CD96: variants seen among roughly 807,000 people sequenced by gnomAD.
CD96 encodes the protein T-cell surface protein tactile.
CD96 carries 70 observed loss-of-function variants against 71.3 expected under a neutral mutation model. The observed-to-expected ratio is 0.98, with a 90% CI of 0.81 to 1.20. The LOEUF (loss-of-function observed/expected upper bound fraction) is 1.20, where lower values mean the gene tolerates loss of function less well. Ranked by LOEUF, CD96 falls within the 50% of genes most tolerant of loss-of-function variation. The probability of loss-of-function intolerance (pLI) is 0.00; values close to 1 mark genes in which losing one functional copy is unlikely to be tolerated. For synonymous variants in CD96, 248 were observed against 233.0 expected, an observed-to-expected ratio of 1.06 and a Z score of -0.59; for missense variants, 742 against 677.5, an observed-to-expected ratio of 1.10 and a Z score of -1.06.
chr3:111,594,522 A>G (rs1937163521), intron 5 of CD96: 1 of 276,234 alleles, frequency 3.6e-6, no homozygotes, highest in African/African-American at 2.2e-5. Flanking sequence ...CTCTGGTCCA[A>G]CAATTACAAA....
intron 2 of CD96, among the ~76,000 whole-genome samples, chr3:111,565,576 G>A (rs1935667864): frequency 6.6e-6 from 1 of 151,986 alleles, no homozygotes; most frequent in Admixed American, 6.6e-5. Flanking sequence ...AATAAAATTA[G>A]ATAGTAGTAA....
chr3:111,558,981 C>T (rs943773995), intron 2 of CD96, among the ~76,000 whole-genome samples: 10 of 152,174 alleles, frequency 6.6e-5, no homozygotes, highest in African/African-American at 1.2e-4. Context: ...CTAGATTTTC[C>T]AGTTTATTTG....
intron 8 of CD96, 33 bp from the exon 9 acceptor site, chr3:111,623,721 T>C: frequency 7.5e-7 from 1 of 1,329,438 alleles, no homozygotes; most frequent in Non-Finnish European, 1.1e-6. Context: ...TGTAAATACA[T>C]ATAATAATTT....
Position 111,600,810 on chromosome 3 carries a change from A to G in CD96, c.983A>G (p.Lys328Arg), listed in dbSNP as rs1192921320. 1 of 1,613,202 alleles carries G rather than the reference A, an allele frequency of 6.2e-7. No individual in the cohort carries two copies. Among genetic ancestry groups the G allele is most frequent in the African/African-American group, 1.3e-5 (1 of 74,924 alleles). ...GTTTTAACAAGGGTACATAGTAATA[A>G]ACCAGCCCAATCAGACAACTTGACC... ...KSVLTRVHSN[K>R]PAQSDNLTIW... Residue 328 changes from lysine (K) to arginine (R), a missense_variant, in exon 7 of 14, where the codon AAA becomes AGA. Physicochemically the swap from Lys to Arg is conservative, Grantham distance 26 (BLOSUM62 2). Coordinates refer to ENST00000352690, the MANE Select transcript of CD96 (RefSeq NM_005816.5).
intron 14 of CD96, among the ~76,000 whole-genome samples, chr3:111,665,248 T>C (rs1458586143): frequency 6.6e-6 from 1 of 152,050 alleles, no homozygotes; most frequent in Non-Finnish European, 1.5e-5. Context: ...TTTTTGAAGT[T>C]TGAAATTATT....
At chr3:111,631,804 A>G (rs1939076481) in intron 10 of CD96, among the ~76,000 whole-genome samples, 1 of 152,334 alleles carries the variant, frequency 6.6e-6, no homozygotes, top group East Asian at 1.9e-4. Flanking sequence ...AACAGAATAG[A>G]GAACCCAGAA....
intron 10 of CD96, among the ~76,000 whole-genome samples, chr3:111,626,993 CAG>C (rs1164817410): frequency 1.3e-5 from 2 of 152,028 alleles, no homozygotes; most frequent in African/African-American, 2.4e-5. Context: ...AGGGATGAGA[CAG>C]GGAGAAAACA....
chr3:111,593,462 C>CTTTA (rs998367842), intron 5 of CD96: 29 of 1,471,616 alleles, frequency 2.0e-5, no homozygotes, highest in Non-Finnish European at 2.4e-5. Context: ...AACTACTTTG[C>CTTTA]TTTACATTTG....
chr3:111,586,274 T>TA (rs1258642502), intron 5 of CD96, among the ~76,000 whole-genome samples: 2 of 152,208 alleles, frequency 1.3e-5, no homozygotes, highest in Non-Finnish European at 2.9e-5. Flanking sequence ...CATTTTCTAT[T>TA]ACATGGGGCG....
At chr3:111,589,888 A>G (rs1936897011) in intron 5 of CD96, among the ~76,000 whole-genome samples, 1 of 152,376 alleles carries the variant, frequency 6.6e-6, no homozygotes, top group Admixed American at 6.5e-5. Context: ...ACCCTCATCA[A>G]TTAATTAACC....
chr3:111,637,980 A>C (rs1009382302), intron 11 of CD96, 99 bp from the exon 12 acceptor site: 2 of 791,868 alleles, frequency 2.5e-6, no homozygotes, highest in African/African-American at 3.4e-5. Context: ...AGACAATTTA[A>C]ATTGAGTTCT....
chr3:111,567,845 C>A (rs113905243), intron 3 of CD96, among the ~76,000 whole-genome samples, 198 bp downstream of exon 3: 10 of 152,284 alleles, frequency 6.6e-5, no homozygotes, highest in African/African-American at 2.2e-4. Flanking sequence ...TCTATGAATG[C>A]AGTGAATTAA....
At chr3:111,571,383 T>C (rs1935978502) in intron 3 of CD96, among the ~76,000 whole-genome samples, 1 of 151,908 alleles carries the variant, frequency 6.6e-6, no homozygotes, top group Non-Finnish European at 1.5e-5. Flanking sequence ...TAATGATCAC[T>C]AAATTCATGC....
chr3:111,589,879 C>A (rs1184675846), intron 5 of CD96, among the ~76,000 whole-genome samples: 2 of 152,142 alleles, frequency 1.3e-5, no homozygotes, highest in South Asian at 2.1e-4. Context: ...TGGTTACATA[C>A]CCTCATCAAT....
intron 10 of CD96, among the ~76,000 whole-genome samples, chr3:111,626,325 A>AAG (rs1553709941): frequency 1.3e-5 from 2 of 151,438 alleles, no homozygotes; most frequent in African/African-American, 4.8e-5. Flanking sequence ...AAAAAAAAAA[A>AAG]AAAGAAATGC....
rs889417137 is a variant in CD96 at position 111,652,335 on chromosome 3, A to C, written c.*2529A>C. The C allele has an allele frequency of 6.6e-6, 1 of 152,078 alleles. No individual in the cohort carries two copies. Among genetic ancestry groups the C allele is most frequent in the Non-Finnish European group, 1.5e-5 (1 of 68,004 alleles). 9.4% of individuals were successfully genotyped at this position (152,078 alleles called of 1,614,324 possible). ...TTGCTTCATGTGTATGGCTATTTGT[A>C]TTTAACAAGACTTAATCATCAGTAA... is the stretch of plus-strand genomic sequence containing the variant. On this transcript the variant is annotated 3_prime_UTR_variant, in exon 14 of 14. Coordinates refer to ENST00000352690, the MANE Select transcript of CD96 (RefSeq NM_005816.5).
chr3:111,631,570 G>A (rs1939064288), intron 10 of CD96, among the ~76,000 whole-genome samples: 1 of 151,764 alleles, frequency 6.6e-6, no homozygotes, highest in South Asian at 2.1e-4. Context: ...ACTGTCCAAA[G>A]CAATTTATAG....
chr3:111,594,414 G>T, intron 5 of CD96: 1 of 512,774 alleles, frequency 2.0e-6, no homozygotes, highest in Non-Finnish European at 3.5e-6. Flanking sequence ...AAGCAAAACA[G>T]CCCAAGAGTG....
chr3:111,642,090 A>T (rs1195030880), intron 12 of CD96, among the ~76,000 whole-genome samples: 1 of 152,232 alleles, frequency 6.6e-6, no homozygotes, highest in Admixed American at 6.5e-5. Context: ...TCAAGGAACT[A>T]GAGAAACAAG....
Sources: allele counts gnomAD v4.1 joint callset (sites outside exome capture counted in the v4.1 genomes callset), GRCh38; gene constraint gnomAD v4.1.1; transcripts MANE v1.5; gene names NCBI Gene and HGNC (gene_info 2026-07-23, HGNC 2026-07-21).